Variants in CIMIP7 observed in about 807,000 individuals in gnomAD.
CIMIP7 encodes the protein ciliary microtubule inner protein 7.
At chr3:49,187,593 T>C in the CIMIP7 span, among the ~76,000 whole-genome samples, 1 of 151,690 alleles carries the variant, frequency 6.6e-6, no homozygotes, top group African/African-American at 2.4e-5. Context: ...AGTTGACGGC[T>C]GGAAATAGAT....
At chr3:49,190,011 G>A in the CIMIP7 span, 1 of 1,606,938 alleles carries the variant, frequency 6.2e-7, no homozygotes, top group Non-Finnish European at 8.5e-7. Flanking sequence ...GCTGCCTTCA[G>A]GTCTGCCTTG....
chr3:49,191,658 C>A, the CIMIP7 span: 6 of 1,458,490 alleles, frequency 4.1e-6, no homozygotes, highest in Non-Finnish European at 5.7e-6. Context: ...CAAATGAAAA[C>A]CTTTTCACTT....
chr3:49,179,914 G>C, the CIMIP7 span, among the ~76,000 whole-genome samples: 3 of 152,206 alleles, frequency 2.0e-5, no homozygotes, highest in African/African-American at 7.2e-5. Flanking sequence ...GAGGCGGGTG[G>C]ATCACCTGAG....
the CIMIP7 span, chr3:49,177,720 T>G: frequency 6.2e-7 from 1 of 1,609,664 alleles, no homozygotes; most frequent in Non-Finnish European, 8.5e-7. Context: ...GCTTGGGTCT[T>G]GGGATCCCTG....
chr3:49,184,195 CATT>C, the CIMIP7 span, among the ~76,000 whole-genome samples: 1 of 152,182 alleles, frequency 6.6e-6, no homozygotes, highest in African/African-American at 2.4e-5. Flanking sequence ...GATGAGGTCT[CATT>C]ATGTTGCACA....
the CIMIP7 span, among the ~76,000 whole-genome samples, chr3:49,182,652 C>T: frequency 7.2e-5 from 11 of 152,154 alleles, no homozygotes; most frequent in Admixed American, 2.0e-4. Context: ...GCCAGTCCCG[C>T]GCCGTGTGCC....
the CIMIP7 span, chr3:49,178,587 T>G: frequency 9.9e-6 from 15 of 1,508,256 alleles, no homozygotes; most frequent in Admixed American, 7.0e-5. Flanking sequence ...GATGCTTATT[T>G]ACCCACCCTT....
the CIMIP7 span, among the ~76,000 whole-genome samples, chr3:49,185,531 A>C: frequency 3.0e-3 from 453 of 152,126 alleles, 18 homozygotes; most frequent in East Asian, 0.072. Flanking sequence ...ACACCATTGC[A>C]CTCCAGCCTG....
chr3:49,178,973 T>G, the CIMIP7 span, among the ~76,000 whole-genome samples: 1 of 152,118 alleles, frequency 6.6e-6, no homozygotes, highest in Non-Finnish European at 1.5e-5. Flanking sequence ...TATCTCCAGC[T>G]CAAACTTTCT....
At chr3:49,177,746 C>T in the CIMIP7 span, 43 of 1,609,252 alleles carry the variant, frequency 2.7e-5, no homozygotes, top group South Asian at 1.0e-4. Context: ...TCAGGCAGTA[C>T]GTCAGTGACC....
At chr3:49,191,716 GC>G in the CIMIP7 span, 3 of 1,594,522 alleles carry the variant, frequency 1.9e-6, no homozygotes, top group African/African-American at 4.0e-5. Context: ...AGGGCCAGGG[GC>G]CAGGATTAAC....
the CIMIP7 span, chr3:49,189,740 A>G: frequency 3.9e-6 from 2 of 515,788 alleles, no homozygotes; most frequent in Non-Finnish European, 7.4e-6. Context: ...CTCAAGGCTT[A>G]CTTCCTGGGT....
chr3:49,179,777 C>G, the CIMIP7 span, among the ~76,000 whole-genome samples: 1 of 152,238 alleles, frequency 6.6e-6, no homozygotes, highest in Non-Finnish European at 1.5e-5. Context: ...GGCGGTCTGT[C>G]TTGCTCACAT....
chr3:49,191,663 T>C, the CIMIP7 span: 7 of 1,485,996 alleles, frequency 4.7e-6, no homozygotes, highest in Non-Finnish European at 5.6e-6. Context: ...GAAAACCTTT[T>C]CACTTCACCG....
chr3:49,181,542 C>T, the CIMIP7 span, among the ~76,000 whole-genome samples: 7 of 152,036 alleles, frequency 4.6e-5, no homozygotes, highest in Admixed American at 4.6e-4. Flanking sequence ...CCTGTGGTCC[C>T]AGCAACTAGG....
chr3:49,184,656 T>A, the CIMIP7 span, among the ~76,000 whole-genome samples: 2 of 139,438 alleles, frequency 1.4e-5, no homozygotes, highest in Non-Finnish European at 3.1e-5. Context: ...TGAGATGGAG[T>A]CTTGCTCTCT....
the CIMIP7 span, chr3:49,178,358 C>T: frequency 1.2e-6 from 1 of 832,760 alleles, no homozygotes; most frequent in Non-Finnish European, 2.0e-6. Flanking sequence ...GGAAGACAGC[C>T]ACTCCTCTGC....
the CIMIP7 span, among the ~76,000 whole-genome samples, chr3:49,182,115 A>G: frequency 6.6e-6 from 1 of 152,212 alleles, no homozygotes; most frequent in African/African-American, 2.4e-5. Context: ...ACAACTCATA[A>G]AGGCAGCGTG....
chr3:49,177,863 AGTGGATG>A, the CIMIP7 span: 6 of 1,613,694 alleles, frequency 3.7e-6, no homozygotes, highest in Non-Finnish European at 5.1e-6. Flanking sequence ...ACCTGCACAA[AGTGGATG>A]AGGTGCTGGG....
Sources: allele counts gnomAD v4.1 joint callset (sites outside exome capture counted in the v4.1 genomes callset), GRCh38; gene constraint gnomAD v4.1.1; transcripts MANE v1.5; gene names NCBI Gene and HGNC (gene_info 2026-07-23, HGNC 2026-07-21).